NEO1: variants seen among roughly 807,000 people sequenced by gnomAD.
NEO1 encodes neogenin 1, also known as neogenin.
A neutral mutation model predicts 159.7 loss-of-function variants in NEO1; 63 were observed. The ratio of observed to expected loss-of-function variants is 0.39; its 90% confidence interval spans 0.32 to 0.49. NEO1 has a LOEUF of 0.49. Among genes scored for constraint, NEO1 ranks in the 20% least tolerant of loss-of-function variants. NEO1 has a pLI of 0.85. For missense variants in NEO1, 1,615 were observed against 1,831.0 expected, an observed-to-expected ratio of 0.88 and a Z score of 2.15; for synonymous variants, 633 against 662.0, an observed-to-expected ratio of 0.96 and a Z score of 0.67.
chr15:73,100,095 T>A (rs2070315748), intron 1 of NEO1, among the ~76,000 whole-genome samples: 1 of 152,204 alleles, frequency 6.6e-6, no homozygotes, highest in Non-Finnish European at 1.5e-5. Context: ...TTTTCAGTTC[T>A]TTAACCTCGT....
chr15:73,130,237 A>G (rs1163710531), intron 4 of NEO1, among the ~76,000 whole-genome samples: 2 of 151,858 alleles, frequency 1.3e-5, no homozygotes, highest in Non-Finnish European at 2.9e-5. Flanking sequence ...GCCTCCCAAA[A>G]TGCTGGGATT....
chr15:73,243,149 A>C (rs1214685572), intron 8 of NEO1, among the ~76,000 whole-genome samples: 1 of 152,200 alleles, frequency 6.6e-6, no homozygotes, highest in Non-Finnish European at 1.5e-5. Context: ...GACCTAGCTG[A>C]TTATAGAGAA....
chr15:73,241,223 G>A (rs570796528), intron 8 of NEO1, among the ~76,000 whole-genome samples: 34 of 152,246 alleles, frequency 2.2e-4, no homozygotes, highest in Middle Eastern at 3.4e-3. Flanking sequence ...CCATTAAGTG[G>A]GAAGTGGAAA....
chr15:73,203,285 G>T (rs925036230), intron 7 of NEO1, among the ~76,000 whole-genome samples: 1 of 152,036 alleles, frequency 6.6e-6, no homozygotes, highest in African/African-American at 2.4e-5. Context: ...TCATTTTTCG[G>T]GGTGTTTTTT....
Position 73,071,757 on chromosome 15 carries a change from C to T in NEO1, c.130+18952C>T, listed in dbSNP as rs149533199. Among the ~76,000 whole-genome samples the T allele has an allele frequency of 3.3e-3, 503 of 152,238 alleles. 2 individuals are homozygous for T. The highest frequency in any genetic ancestry group is 0.012 in the African/African-American group (485 of 41,534). On this transcript the variant is annotated intron_variant, in intron 1 of 28. Coordinates refer to ENST00000261908, the MANE Select transcript of NEO1 (RefSeq NM_002499.4). ...GCTCAAACTTCTAGGCTCAAATGAT[C>T]GGCCCACCGTGGCTTCCCAGATTGC...
chr15:73,123,634 G>T (rs979934357), intron 3 of NEO1, among the ~76,000 whole-genome samples: 2 of 151,992 alleles, frequency 1.3e-5, no homozygotes, highest in African/African-American at 4.8e-5. Context: ...AATCAATTTT[G>T]TATATCTTTT....
intron 9 of NEO1, among the ~76,000 whole-genome samples, chr15:73,244,948 C>T: frequency 4.1e-5 from 1 of 24,656 alleles, no homozygotes; most frequent in Middle Eastern, 0.042. Flanking sequence ...GAGTGAGACT[C>T]TGTCTCAAAA....
intron 15 of NEO1, among the ~76,000 whole-genome samples, chr15:73,261,707 G>A (rs908133047): frequency 5.9e-5 from 9 of 152,136 alleles, no homozygotes; most frequent in Admixed American, 2.6e-4. Flanking sequence ...GTTGGAAGCC[G>A]TGATATTACT....
At chr15:73,268,631 T>G (rs1216158767) in intron 16 of NEO1, among the ~76,000 whole-genome samples, 1 of 152,224 alleles carries the variant, frequency 6.6e-6, no homozygotes, top group African/African-American at 2.4e-5. Flanking sequence ...CCATTCCACA[T>G]TTTGAGTAAT....
At chr15:73,191,368 C>T (rs1022754867) in intron 7 of NEO1, among the ~76,000 whole-genome samples, 17 of 151,190 alleles carry the variant, frequency 1.1e-4, no homozygotes, top group African/African-American at 3.9e-4. Flanking sequence ...GACAGAGTAT[C>T]GATGAGAATT....
intron 1 of NEO1, among the ~76,000 whole-genome samples, chr15:73,060,799 A>G (rs890286897): frequency 6.6e-6 from 1 of 151,512 alleles, no homozygotes; most frequent in Admixed American, 6.6e-5. Context: ...GTCATGCCTC[A>G]CCATGCCCAG....
chr15:73,208,180 C>G (rs575997372), intron 7 of NEO1, among the ~76,000 whole-genome samples: 2 of 152,276 alleles, frequency 1.3e-5, no homozygotes, highest in East Asian at 1.9e-4. Context: ...GCATATCTGT[C>G]AAGTCTTAAA....
chr15:73,203,758 T>G (rs2037050947), intron 7 of NEO1, among the ~76,000 whole-genome samples: 1 of 152,126 alleles, frequency 6.6e-6, no homozygotes, highest in African/African-American at 2.4e-5. Context: ...AATTCTTCCC[T>G]CCCATCCCTT....
chr15:73,068,231 C>CCCCCG (rs55919404), intron 1 of NEO1, among the ~76,000 whole-genome samples: 2,339 of 120,386 alleles, frequency 0.019, 104 homozygotes, highest in Admixed American at 0.025. Flanking sequence ...CTACCCCCCC[C>CCCCCG]CCTTTTTTTT....
intron 20 of NEO1, 142 bp downstream of exon 20, chr15:73,274,147 C>T: frequency 1.2e-6 from 1 of 826,728 alleles, no homozygotes; most frequent in African/African-American, 1.7e-5. Flanking sequence ...AAGATTTATC[C>T]CAGAATGATT....
chr15:73,117,524 T>A (rs907782991), intron 2 of NEO1, among the ~76,000 whole-genome samples: 1 of 152,206 alleles, frequency 6.6e-6, no homozygotes, highest in Admixed American at 6.5e-5. Flanking sequence ...AAATAGTTTT[T>A]GTGAAGGGTC....
At chr15:73,083,682 TTTAAC>T (rs1300768795) in intron 1 of NEO1, among the ~76,000 whole-genome samples, 1 of 152,196 alleles carries the variant, frequency 6.6e-6, no homozygotes, top group Non-Finnish European at 1.5e-5. Flanking sequence ...TTTGTGTGTT[TTTAAC>T]TTGTGATACT....
intron 1 of NEO1, among the ~76,000 whole-genome samples, chr15:73,095,748 A>G (rs1002412840): frequency 6.6e-6 from 1 of 151,982 alleles, no homozygotes; most frequent in Non-Finnish European, 1.5e-5. Flanking sequence ...ATCATTATTG[A>G]AGCCTAAATG....
chr15:73,278,197 G>A lies in NEO1; in HGVS notation c.3260G>A (p.Ser1087Asn). Residue 1087 changes from serine (S) to asparagine (N), a missense_variant and splice_region_variant, in exon 22 of 29, where the codon AGC (serine) becomes AAC (asparagine). Transcript: ENST00000261908. ...GGATCCGACTACAAACCTCCAATGA[G>A]CGGTAAAGCCTTTCCCATGGCGTTT... Reference protein sequence around the residue: ...DLGSDYKPPMSGSNSPHGSPT... With the variant: ...DLGSDYKPPMNGSNSPHGSPT... 1 of 1,612,108 alleles carries A rather than the reference G, an allele frequency of 6.2e-7. No homozygotes were observed. The highest frequency in any genetic ancestry group is 2.2e-5 in the East Asian group (1 of 44,852).
Sources: allele counts gnomAD v4.1 joint callset (sites outside exome capture counted in the v4.1 genomes callset), GRCh38; gene constraint gnomAD v4.1.1; transcripts MANE v1.5; gene names NCBI Gene and HGNC (gene_info 2026-07-23, HGNC 2026-07-21).